TACC1: variants seen among roughly 807,000 people sequenced by gnomAD.
The protein encoded by TACC1 is transforming acidic coiled-coil-containing protein 1.
In TACC1, 48 loss-of-function variants were observed where a neutral mutation model predicts 84.4. That is an observed-to-expected ratio of 0.57 (90% confidence interval 0.45 to 0.72). The LOEUF (loss-of-function observed/expected upper bound fraction) is 0.72, where lower values mean the gene tolerates loss of function less well. TACC1 is among the 30% of genes least tolerant of loss of function. The pLI, the probability that TACC1 is intolerant of heterozygous loss-of-function variation, is 0.00. For synonymous variants in TACC1, 372 were observed against 376.3 expected (o/e 0.99, Z 0.13); for missense variants, 920 against 973.0 (o/e 0.95, Z 0.72).
chr8:38,820,288 A>G lies in TACC1; in HGVS notation c.1044A>G (p.Thr348=), dbSNP rs2152210393. 1.2e-6 allele frequency: 2 copies of G among 1,614,206 alleles called. No individual in the cohort carries two copies. The highest frequency in any genetic ancestry group is 1.1e-5 in the South Asian group (1 of 91,084). The change falls in exon 3 of 13, where the codon ACA becomes ACG. Residue 348 remains threonine, a synonymous_variant. Transcript: ENST00000317827. ...PRKLGRKLGS[T]LTPKIQKDGI... ...AGCTTGGCAGGAAACTGGGTAGCAC[A>G]CTGACTCCCAAGATACAAAAAGATG...
rs1292057969 is a variant in TACC1 at position 38,788,806 on chromosome 8, G to C, written c.264G>C (p.Gly88=). ...CATCACTCGGATTGGCAGGACCTGG[G>C]GCCAAAAGCCAAGGTAAAGAAAAAC... ...CDPSLGLAGP[G]AKSQESQEAD... is the part of the protein sequence containing the mutation. Residue 88 remains glycine, a synonymous_variant, in exon 2 of 13, where the codon GGG becomes GGC. Transcript: ENST00000317827. The C allele has an allele frequency of 4.7e-5, 75 of 1,607,202 alleles. No individual in the cohort carries two copies. The highest frequency in any genetic ancestry group is 5.9e-5 in the Non-Finnish European group (69 of 1,177,562).
chr8:38,840,179 T>G (rs763873519), intron 8 of TACC1, 45 bp from the exon 9 acceptor site: 220 of 1,473,402 alleles, frequency 1.5e-4, no homozygotes, highest in Non-Finnish European at 2.1e-4. Context: ...ACTTTCATTG[T>G]CTGAAAATCC....
chr8:38,823,163 T>C (rs1409268505), intron 3 of TACC1, among the ~76,000 whole-genome samples: 1 of 152,168 alleles, frequency 6.6e-6, no homozygotes, highest in African/African-American at 2.4e-5. Context: ...AAGGATCAAC[T>C]TCAGTACCAA....
At chr8:38,838,988 C>T (rs1830727534) in intron 8 of TACC1, among the ~76,000 whole-genome samples, 2 of 152,016 alleles carry the variant, frequency 1.3e-5, no homozygotes, top group African/African-American at 4.8e-5. Context: ...CCTCAACCTC[C>T]TGGGATCAAC....
intron 3 of TACC1, among the ~76,000 whole-genome samples, chr8:38,751,879 A>G (rs1809098582): frequency 6.6e-6 from 1 of 152,216 alleles, no homozygotes. Context: ...TGAACAGTAA[A>G]TGAGTTAATA....
At chr8:38,817,296 C>T (rs993356349) in intron 2 of TACC1, among the ~76,000 whole-genome samples, 58 of 152,148 alleles carry the variant, frequency 3.8e-4, no homozygotes, top group Non-Finnish European at 1.8e-4. Flanking sequence ...TGTCTGCCTC[C>T]GCATCATCAG....
intron 2 of TACC1, among the ~76,000 whole-genome samples, chr8:38,790,965 G>A (rs773185508): frequency 2.6e-5 from 4 of 152,156 alleles, no homozygotes; most frequent in South Asian, 2.1e-4. Flanking sequence ...CTTTTCTTCC[G>A]TAAAGATTGG....
At chr8:38,731,328 A>G (rs1490196311) in intron 1 of TACC1, among the ~76,000 whole-genome samples, 1 of 152,210 alleles carries the variant, frequency 6.6e-6, no homozygotes, top group African/African-American at 2.4e-5. Context: ...TAGCTTGGTC[A>G]TCTTGGGCAA....
intron 10 of TACC1, among the ~76,000 whole-genome samples, chr8:38,842,731 A>C (rs1462024126): frequency 1.3e-5 from 2 of 152,180 alleles, no homozygotes; most frequent in Non-Finnish European, 2.9e-5. Context: ...AAGAACTGTT[A>C]ATTGAACCCT....
At chr8:38,822,804 A>G (rs986088977) in intron 3 of TACC1, among the ~76,000 whole-genome samples, 2 of 152,246 alleles carry the variant, frequency 1.3e-5, no homozygotes, top group Non-Finnish European at 2.9e-5. Flanking sequence ...AGGCCTACTC[A>G]GGATCGTCAG....
At chr8:38,846,964 A>G in intron 12 of TACC1, 145 bp downstream of exon 12, 1 of 949,000 alleles carries the variant, frequency 1.1e-6, no homozygotes, top group Non-Finnish European at 1.5e-6. Context: ...GAACTGATCC[A>G]GGTGGAAACA....
At chr8:38,765,969 A>G (rs977684361) in intron 3 of TACC1, among the ~76,000 whole-genome samples, 3 of 152,198 alleles carry the variant, frequency 2.0e-5, no homozygotes, top group Admixed American at 1.3e-4. Flanking sequence ...GGCACCTTCA[A>G]ATGCTCTCGG....
chr8:38,831,148 A>G lies in TACC1; in HGVS notation c.1684A>G (p.Lys562Glu), dbSNP rs1432090829. 1 of 1,614,220 alleles carries G rather than the reference A, an allele frequency of 6.2e-7. No individual in the cohort carries two copies. Among genetic ancestry groups the G allele is most frequent in the Non-Finnish European group, 8.5e-7 (1 of 1,180,032 alleles). Reference protein sequence around the residue: ...EAGIEKETCQKMEEDGSTVLG... With the variant: ...EAGIEKETCQEMEEDGSTVLG... ...AGGCATAGAGAAGGAGACGTGCCAG[A>G]AGATGGAAGAAGACGGGTCCACTGT... Residue 562 changes from lysine to glutamate, a missense_variant, in exon 6 of 13, where the codon AAG becomes GAG. Around this residue, in one of 2 missense-constraint regions of TACC1, gnomAD observed 762 missense variants for 747.3 expected, o/e 1.02. Coordinates refer to ENST00000317827, the MANE Select transcript of TACC1 (RefSeq NM_006283.3).
intron 8 of TACC1, 148 bp from the exon 9 acceptor site, chr8:38,840,076 A>G: frequency 3.0e-6 from 1 of 327,914 alleles, no homozygotes; most frequent in Admixed American, 4.8e-5. Context: ...AAAAAAAAAA[A>G]AAAGATAACG....
intron 3 of TACC1, among the ~76,000 whole-genome samples, chr8:38,746,725 A>G (rs145959515): frequency 4.6e-5 from 7 of 152,350 alleles, no homozygotes; most frequent in African/African-American, 7.2e-5. Context: ...ATTTACATGA[A>G]GAAGTACATT....
At chr8:38,770,597 G>C (rs566571998) in intron 3 of TACC1, among the ~76,000 whole-genome samples, 26 of 152,304 alleles carry the variant, frequency 1.7e-4, no homozygotes, top group African/African-American at 6.3e-4. Context: ...CGCTCAGAGA[G>C]GAGCAGTGCC....
rs548356675 is a variant in TACC1, at chr8:38,851,588, C to T, written c.*3565C>T. On this transcript the variant is annotated 3_prime_UTR_variant, in exon 13 of 13. Coordinates refer to ENST00000317827, the MANE Select transcript of TACC1 (RefSeq NM_006283.3). Reference sequence around the variant, plus strand: ...AAGTTCTGAAGCCCCCTTTTAACTTCCTCTTGGTTTTTCATTATAATTGGT... The same window carrying T: ...AAGTTCTGAAGCCCCCTTTTAACTTTCTCTTGGTTTTTCATTATAATTGGT... 5.1e-6 allele frequency: 1 copy of T among 196,316 alleles called. No individual in the cohort carries two copies. The highest frequency in any genetic ancestry group is 1.1e-5 in the Non-Finnish European group (1 of 92,648). The allele number at this position is 196,316 out of a possible 1,614,324, so 12.2% of individuals were successfully genotyped here.
At chr8:38,823,252 C>T (rs866164687) in intron 3 of TACC1, among the ~76,000 whole-genome samples, 70 of 152,162 alleles carry the variant, frequency 4.6e-4, no homozygotes, top group African/African-American at 1.6e-3. Flanking sequence ...TAGTAGCTCT[C>T]GATCTGTTCT....
At chr8:38,820,845 C>CT in intron 3 of TACC1, among the ~76,000 whole-genome samples, 1 of 152,028 alleles carries the variant, frequency 6.6e-6, no homozygotes, top group Non-Finnish European at 1.5e-5. Flanking sequence ...AGATTGTTGT[C>CT]TTTTTTCTGA....
Sources: allele counts gnomAD v4.1 joint callset (sites outside exome capture counted in the v4.1 genomes callset), GRCh38; gene constraint gnomAD v4.1.1; regional missense constraint gnomAD v4.1.1; transcripts MANE v1.5; gene names NCBI Gene and HGNC (gene_info 2026-07-23, HGNC 2026-07-21).